The following ZNF200 variants were observed in gnomAD, a reference collection of about 807,000 sequenced individuals.
The protein encoded by ZNF200 is zinc finger protein 200.
A neutral mutation model predicts 33.6 loss-of-function variants in ZNF200; 35 were observed. The ratio of observed to expected loss-of-function variants is 1.04; its 90% confidence interval spans 0.80 to 1.38. ZNF200 has a LOEUF of 1.38. Ranked by LOEUF, ZNF200 falls within the 40% of genes most tolerant of loss-of-function variation. The probability of loss-of-function intolerance (pLI) is 0.00; values close to 1 mark genes in which losing one functional copy is unlikely to be tolerated. For missense variants in ZNF200, 592 were observed against 470.6 expected, an observed-to-expected ratio of 1.26 and a Z score of -2.39; for synonymous variants, 209 against 167.7, an observed-to-expected ratio of 1.25 and a Z score of -1.90.
chr16:3,233,533 C>A lies in ZNF200; in HGVS notation c.223G>T (p.Asp75Tyr), dbSNP rs1958702383. The change falls in exon 2 of 5, where the codon GAT becomes TAT. Residue 75 changes from aspartate (D) to tyrosine (Y), a missense_variant. Asp to Tyr is a radical substitution (Grantham distance 160). Coordinates refer to ENST00000414144, the MANE Select transcript of ZNF200 (RefSeq NM_198088.3). ...KVKETLVIMK[D>Y]VSSSLQNRVH... ...CTGTTCTGAAGGCTTGAGCTCACAT[C>A]TTTCATAATAACCAAGGTCTCCTTG... 1 of 1,574,390 alleles carries A rather than the reference C, an allele frequency of 6.4e-7. No individual in the cohort carries two copies. The highest frequency in any genetic ancestry group is 2.3e-5 in the East Asian group (1 of 44,330).
intron 4 of ZNF200, among the ~76,000 whole-genome samples, chr16:3,229,691 C>A (rs1958584263): frequency 6.6e-6 from 1 of 152,076 alleles, no homozygotes; most frequent in Non-Finnish European, 1.5e-5. Flanking sequence ...TGGTGAAACC[C>A]TGTCTCTACT....
intron 2 of ZNF200, among the ~76,000 whole-genome samples, chr16:3,233,134 C>T (rs564916533): frequency 6.6e-6 from 1 of 152,162 alleles, no homozygotes; most frequent in East Asian, 1.9e-4. Flanking sequence ...CTCTAAGCAC[C>T]TTTCAGAATT....
At chr16:3,228,036 T>C (rs896400423) in intron 4 of ZNF200, among the ~76,000 whole-genome samples, 7 of 110,384 alleles carry the variant, frequency 6.3e-5, no homozygotes, top group South Asian at 8.7e-4. Context: ...GCCAAAAACA[T>C]AGTATTTTTT....
rs1206865152 is a variant in ZNF200 at position 3,224,172 on chromosome 16, G to C, written c.908C>G (p.Thr303Arg). The change falls in exon 5 of 5, where the codon ACA becomes AGA. Residue 303 changes from threonine to arginine, a missense_variant. By Grantham distance (71) the Thr-to-Arg change is moderately conservative. Transcript: ENST00000414144. ...TNLNKHERIHTGEKPYSCSQC... is the reference protein window; with the variant it reads ...TNLNKHERIHRGEKPYSCSQC... ...AGAACAGGAATAAGGTTTCTCTCCT[G>C]TATGAATTCGCTCATGTTTATTGAG... The C allele has an allele frequency of 6.2e-7, 1 of 1,614,162 alleles. No individual in the cohort carries two copies. The highest frequency in any genetic ancestry group is 8.5e-7 in the Non-Finnish European group (1 of 1,180,030).
chr16:3,224,426 C>G lies in ZNF200; in HGVS notation c.654G>C (p.Leu218=), dbSNP rs777547082. 6.2e-7 allele frequency: 1 copy of G among 1,614,182 alleles called. No homozygotes were observed. The highest frequency in any genetic ancestry group is 2.2e-5 in the East Asian group (1 of 44,882). The part of the protein sequence containing the change: ...SIPQKRKMRN[L]LVTIENDTPL... Reference sequence around the variant, plus strand: ...GAGTATCATTCTCAATGGTAACTAACAGATTTCTCATTTTCCTTTTTTGTG... The same window carrying G: ...GAGTATCATTCTCAATGGTAACTAAGAGATTTCTCATTTTCCTTTTTTGTG... Residue 218 remains leucine (L), a synonymous_variant, in exon 5 of 5, where the codon CTG becomes CTC. Transcript: ENST00000414144.
At position 3,223,811 on chromosome 16, in the gene ZNF200, A is replaced by G; in HGVS notation, c.*81T>C. Reference sequence around the variant, plus strand: ...GATTTTTACACATTTATACCTTTTTAGGCAGCTTGGGAATTCAGAACTACT... The same window carrying G: ...GATTTTTACACATTTATACCTTTTTGGGCAGCTTGGGAATTCAGAACTACT... On this transcript the variant is annotated 3_prime_UTR_variant, in exon 5 of 5. Transcript: ENST00000414144. The G allele has an allele frequency of 6.6e-7, 1 of 1,505,396 alleles. No individual in the cohort carries two copies. Among genetic ancestry groups the G allele is most frequent in the Non-Finnish European group, 8.8e-7 (1 of 1,131,516 alleles). 93.3% of individuals were successfully genotyped at this position (1,505,396 alleles called of 1,614,324 possible).
intron 4 of ZNF200, 60 bp from the exon 5 acceptor site, chr16:3,224,673 A>T: frequency 1.3e-6 from 2 of 1,512,880 alleles, no homozygotes; most frequent in Non-Finnish European, 1.8e-6. Flanking sequence ...GGCAGGAAAA[A>T]ACAAGTCAGG....
chr16:3,232,172 G>A (rs769791715), intron 4 of ZNF200, among the ~76,000 whole-genome samples: 1 of 152,102 alleles, frequency 6.6e-6, no homozygotes, highest in Non-Finnish European at 1.5e-5. Context: ...TATATCCACA[G>A]TTTCTATGTC....
chr16:3,225,744 G>C (rs1444356976), intron 4 of ZNF200: 1 of 151,988 alleles, frequency 6.6e-6, no homozygotes, highest in South Asian at 2.1e-4. Flanking sequence ...AAGTGAAAAA[G>C]AACCATGCTG....
chr16:3,226,166 C>T (rs540965931), intron 4 of ZNF200: 65 of 150,880 alleles, frequency 4.3e-4, no homozygotes, highest in African/African-American at 1.1e-3. Context: ...CATTCTCCTA[C>T]CTGAGCCTCC....
In ZNF200 at chr16:3,233,717, T is replaced by G. The variant is rs756910543; in HGVS notation, c.39A>C (p.Pro13=). 1.1e-5 allele frequency: 18 copies of G among 1,613,138 alleles called. No individual in the cohort carries two copies. The highest frequency in any genetic ancestry group is 1.4e-5 in the Non-Finnish European group (17 of 1,179,778). ...AAKVVPMPPK[P]KQSFILRVPP... The stretch of plus-strand genomic sequence containing the variant: ...GAACTCTCAGTATAAAGGACTGCTT[T>G]GGCTTTGGGGGCATAGGAACCACTT... Residue 13 remains proline, a synonymous_variant, in exon 2 of 5, where the codon CCA becomes CCC. Coordinates refer to ENST00000414144, the MANE Select transcript of ZNF200 (RefSeq NM_198088.3).
At chr16:3,228,921 G>A (rs537198390) in intron 4 of ZNF200, among the ~76,000 whole-genome samples, 3 of 152,122 alleles carry the variant, frequency 2.0e-5, no homozygotes, top group Non-Finnish European at 4.4e-5. Flanking sequence ...ACATTATACA[G>A]ACCTTCATAT....
intron 4 of ZNF200, among the ~76,000 whole-genome samples, chr16:3,229,418 T>A (rs931587982): frequency 6.6e-6 from 1 of 151,732 alleles, no homozygotes; most frequent in Non-Finnish European, 1.5e-5. Context: ...TAGAAAGTAA[T>A]GAGTTAAAAA....
intron 4 of ZNF200, among the ~76,000 whole-genome samples, chr16:3,228,492 G>A (rs11860052): frequency 0.52 from 79,177 of 151,186 alleles, 21,050 homozygotes; most frequent in South Asian, 0.72. Context: ...TATTATTTCT[G>A]TTTTTTTAAT....
intron 4 of ZNF200, among the ~76,000 whole-genome samples, chr16:3,229,701 T>C (rs528824100): frequency 6.6e-6 from 1 of 152,072 alleles, no homozygotes; most frequent in East Asian, 1.9e-4. Flanking sequence ...CTGTCTCTAC[T>C]AAAAATACAA....
At chr16:3,224,776 A>G (rs1330971218) in intron 4 of ZNF200, 163 bp from the exon 5 acceptor site, 56 of 803,168 alleles carry the variant, frequency 7.0e-5, no homozygotes, top group Non-Finnish European at 4.7e-5. Flanking sequence ...GGTGGGATAC[A>G]TAACTGATAA....
At chr16:3,232,394 G>A in intron 4 of ZNF200, 27 bp downstream of exon 4, 1 of 1,609,430 alleles carries the variant, frequency 6.2e-7, no homozygotes, top group Non-Finnish European at 8.5e-7. Flanking sequence ...CAAACAACCT[G>A]AACACACAAA....
At chr16:3,226,941 T>C (rs1456549412) in intron 4 of ZNF200, 1 of 152,200 alleles carries the variant, frequency 6.6e-6, no homozygotes, top group Non-Finnish European at 1.5e-5. Context: ...AAATGTTAAT[T>C]CACTAGAGGC....
chr16:3,232,883 C>A lies in ZNF200; in HGVS notation c.289G>T (p.Val97Phe). 1 of 1,613,842 alleles carries A rather than the reference C, an allele frequency of 6.2e-7. No homozygotes were observed. Among genetic ancestry groups the A allele is most frequent in the Non-Finnish European group, 8.5e-7 (1 of 1,179,856 alleles). Residue 97 changes from valine to phenylalanine, a missense_variant, in exon 3 of 5, where the codon GTC (valine) becomes TTC (phenylalanine). Physicochemically the swap from Val to Phe is conservative, Grantham distance 50 (BLOSUM62 -1). Transcript: ENST00000414144. ...GACACTGTCTCTTGTTCCTTTTGGACTCCTTTGGGCAGAAGCTTCACCAAG... is the reference window on the plus strand; with the variant it reads ...GACACTGTCTCTTGTTCCTTTTGGAATCCTTTGGGCAGAAGCTTCACCAAG... Reference protein sequence around the residue: ...RPLVKLLPKGVQKEQETVSLY... With the variant: ...RPLVKLLPKGFQKEQETVSLY...
Sources: allele counts gnomAD v4.1 joint callset (sites outside exome capture counted in the v4.1 genomes callset), GRCh38; gene constraint gnomAD v4.1.1; transcripts MANE v1.5; gene names NCBI Gene and HGNC (gene_info 2026-07-23, HGNC 2026-07-21).